Variants in MTIF3 observed in about 807,000 individuals in gnomAD.
MTIF3 encodes translation initiation factor IF-3, mitochondrial.
Under a neutral mutation model 20.7 loss-of-function variants are expected in MTIF3, and 13 were observed. The ratio of observed to expected loss-of-function variants is 0.63; its 90% CI spans 0.41 to 1.00. The LOEUF (loss-of-function observed/expected upper bound fraction) is 1.00. Among genes scored for constraint, MTIF3 ranks in the 50% least tolerant of loss-of-function variants. The pLI is 0.00. For synonymous variants in MTIF3, 114 were observed against 112.5 expected, an observed-to-expected ratio of 1.01 and a Z score of -0.08; for missense variants, 295 against 324.5, an observed-to-expected ratio of 0.91 and a Z score of 0.70.
intron 3 of MTIF3, among the ~76,000 whole-genome samples, chr13:27,438,018 T>C (rs1953849309): frequency 6.6e-6 from 1 of 151,888 alleles, no homozygotes; most frequent in Admixed American, 6.6e-5. Context: ...ACCATCTACG[T>C]AGAAAAATAA....
At chr13:27,443,338 A>G (rs1031765356) in intron 2 of MTIF3, among the ~76,000 whole-genome samples, 1 of 152,170 alleles carries the variant, frequency 6.6e-6, no homozygotes, top group Non-Finnish European at 1.5e-5. Flanking sequence ...AAAAAAGAAG[A>G]AAAATCTGAA....
intron 2 of MTIF3, among the ~76,000 whole-genome samples, chr13:27,440,774 C>T (rs1953979927): frequency 6.6e-6 from 1 of 151,738 alleles, no homozygotes; most frequent in East Asian, 1.9e-4. Flanking sequence ...TTAGTTGACC[C>T]CTGAACAACT....
chr13:27,448,214 G>T lies in MTIF3; in HGVS notation c.-71+2295C>A, dbSNP rs572391460. ...TTGAAATCATGTGGACTGAAGAGAC[G>T]AAAATAACTTCTATTATTTGTTCAC... On this transcript the variant is annotated intron_variant, in intron 1 of 4. Transcript: ENST00000381120. Among the ~76,000 whole-genome samples the T allele has an allele frequency of 2.0e-5, 3 of 152,168 alleles. 1 individual carries two copies. Among genetic ancestry groups the T allele is most frequent in the Admixed American group, 2.0e-4 (3 of 15,290 alleles).
At chr13:27,436,640 A>G (rs997073673) in intron 4 of MTIF3, among the ~76,000 whole-genome samples, 1 of 152,050 alleles carries the variant, frequency 6.6e-6, no homozygotes, top group Admixed American at 6.6e-5. Flanking sequence ...AATGGAAACT[A>G]TATCTACAGT....
intron 1 of MTIF3, among the ~76,000 whole-genome samples, chr13:27,445,907 T>C (rs1029758481): frequency 2.6e-5 from 4 of 151,482 alleles, no homozygotes; most frequent in East Asian, 1.9e-4. Context: ...GCCAATGCCA[T>C]TGGGAATGAA....
intron 3 of MTIF3, among the ~76,000 whole-genome samples, chr13:27,438,427 C>T (rs540397894): frequency 2.1e-3 from 305 of 145,540 alleles, no homozygotes; most frequent in South Asian, 0.01. Flanking sequence ...GAGATGGAGG[C>T]TGCAGTGAGC....
chr13:27,439,994 T>C lies in MTIF3; in HGVS notation c.455A>G (p.Lys152Arg). The part of the protein sequence containing the change: ...RLREMEKANP[K>R]TGPTLRKELI... ...GCCAACAGCAAAATACCTACCAGTTTTGGGGTTCGCCTTCTCCATCTCCCT... is the reference window on the plus strand; with the variant it reads ...GCCAACAGCAAAATACCTACCAGTTCTGGGGTTCGCCTTCTCCATCTCCCT... The change falls in exon 3 of 5, where the codon AAA (lysine) becomes AGA (arginine). Residue 152 changes from lysine (K) to arginine (R), a missense_variant. Transcript: ENST00000381120. 6.2e-7 allele frequency: 1 copy of C among 1,612,964 alleles called. No homozygotes were observed. The highest frequency in any genetic ancestry group is 8.5e-7 in the Non-Finnish European group (1 of 1,178,956).
chr13:27,437,746 T>C (rs1224975024), intron 3 of MTIF3, among the ~76,000 whole-genome samples: 3 of 152,164 alleles, frequency 2.0e-5, no homozygotes, highest in Admixed American at 6.5e-5. Context: ...TGGAAAATTA[T>C]AGAGAAGGAA....
At chr13:27,439,356 C>T (rs1180207894) in intron 3 of MTIF3, among the ~76,000 whole-genome samples, 2 of 152,108 alleles carry the variant, frequency 1.3e-5, no homozygotes, top group Non-Finnish European at 2.9e-5. Context: ...ATTAGCCGGG[C>T]GTGGTGGCGG....
At chr13:27,447,733 C>CAT (rs3078500) in intron 1 of MTIF3, among the ~76,000 whole-genome samples, 152,247 of 152,306 alleles carry the variant, frequency 1, 76,094 homozygotes, top group Middle Eastern at 1. Context: ...TTTTTCCCAT[C>CAT]AGTCTGTCCT....
rs959220285 is a variant in MTIF3 at position 27,438,762 on chromosome 13, C to G, written c.460+1227G>C. Among the ~76,000 whole-genome samples the G allele has an allele frequency of 3.3e-5, 5 of 151,842 alleles. No homozygotes were observed. The East Asian group carries it at 9.7e-4, about 30-fold the overall frequency. On this transcript the variant is annotated intron_variant, in intron 3 of 4. Transcript: ENST00000381120. ...CCACCTGCCTTGGCCTCCCAAAGTGCTGGGATTACAGACGTGAGCCACCAC... is the reference window on the plus strand; with the variant it reads ...CCACCTGCCTTGGCCTCCCAAAGTGGTGGGATTACAGACGTGAGCCACCAC...
At chr13:27,435,959 CT>C in intron 4 of MTIF3, 66 bp from the exon 5 acceptor site, 3 of 1,345,830 alleles carry the variant, frequency 2.2e-6, no homozygotes, top group Non-Finnish European at 3.1e-6. Flanking sequence ...TAATGTTCTG[CT>C]TGAACATTCA....
intron 2 of MTIF3, among the ~76,000 whole-genome samples, chr13:27,443,517 G>A (rs909185941): frequency 1.4e-4 from 22 of 152,030 alleles, no homozygotes; most frequent in Admixed American, 7.9e-4. Flanking sequence ...CTGTATTAGC[G>A]ACAATGATGT....
At chr13:27,447,863 G>A (rs1342378519) in intron 1 of MTIF3, among the ~76,000 whole-genome samples, 1 of 152,148 alleles carries the variant, frequency 6.6e-6, no homozygotes, top group African/African-American at 2.4e-5. Flanking sequence ...TTTCTAAGAA[G>A]TGTCCTCCAA....
At chr13:27,447,123 G>T (rs1323858379) in intron 1 of MTIF3, among the ~76,000 whole-genome samples, 1 of 145,886 alleles carries the variant, frequency 6.9e-6, no homozygotes, top group Non-Finnish European at 1.5e-5. Flanking sequence ...ACGGCCTGTC[G>T]GCATCACCTG....
At chr13:27,437,006 C>T in intron 4 of MTIF3, 110 bp downstream of exon 4, 1 of 1,134,066 alleles carries the variant, frequency 8.8e-7, no homozygotes, top group Non-Finnish European at 1.3e-6. Context: ...CCACCTTGGC[C>T]TCCCAAAATG....
chr13:27,435,820 T>C lies in MTIF3; in HGVS notation c.692A>G (p.Gln231Arg). 1.2e-6 allele frequency: 2 copies of C among 1,614,084 alleles called. No individual in the cohort carries two copies. Among genetic ancestry groups the C allele is most frequent in the South Asian group, 2.2e-5 (2 of 91,080 alleles). The change falls in exon 5 of 5, where the codon CAA becomes CGA. Residue 231 changes from glutamine (Q) to arginine (R), a missense_variant. Gln to Arg is a conservative substitution (Grantham distance 43). Transcript: ENST00000381120. ...ATFSSRPQAV[Q>R]GGKALMCVLR... ...AACACACATTAAAGCTTTTCCTCCTTGAACAGCTTGTGGCCTAGATGAGAA... is the reference window on the plus strand; with the variant it reads ...AACACACATTAAAGCTTTTCCTCCTCGAACAGCTTGTGGCCTAGATGAGAA...
Position 27,435,728 on chromosome 13 carries a change from T to C in MTIF3, c.784A>G (p.Thr262Ala). ...TCATTTCCATGGTCTTTGTTCAAAG[T>C]GTCTCTTTCCTGGGTCTCTTGAGTT... ...KETQETQERD[T>A]LNKDHGNDKE... Residue 262 changes from threonine to alanine, a missense_variant, in exon 5 of 5, where the codon ACT (threonine) becomes GCT (alanine). Thr to Ala is a moderately conservative substitution (Grantham distance 58, BLOSUM62 0). Transcript: ENST00000381120. 6.2e-7 allele frequency: 1 copy of C among 1,614,166 alleles called. No homozygotes were observed. The highest frequency in any genetic ancestry group is 1.3e-5 in the African/African-American group (1 of 75,052).
At chr13:27,436,205 C>G (rs1019758620) in intron 4 of MTIF3, among the ~76,000 whole-genome samples, 1 of 152,184 alleles carries the variant, frequency 6.6e-6, no homozygotes, top group Non-Finnish European at 1.5e-5. Context: ...TGGCAAAATA[C>G]CTCCTCATCC....
Sources: gnomAD v4.1 joint callset for allele counts (sites outside exome capture counted in the v4.1 genomes callset) on GRCh38, gnomAD v4.1.1 for gene constraint, MANE v1.5 for transcripts, NCBI Gene and HGNC (gene_info 2026-07-23, HGNC 2026-07-21) for gene names.